RBMS3: variants seen among roughly 807,000 people sequenced by gnomAD.
RBMS3 encodes the protein RNA binding motif single stranded interacting protein 3.
RBMS3 carries 27 observed loss-of-function variants against 66.8 expected under a neutral mutation model. That is an observed-to-expected ratio of 0.40 (90% CI 0.30 to 0.56). RBMS3 has a LOEUF of 0.56. Among genes scored for constraint, RBMS3 ranks in the 20% least tolerant of loss-of-function variants. RBMS3 has a pLI of 0.40. For synonymous variants in RBMS3, 188 were observed against 183.0 expected (o/e 1.03, Z -0.22); for missense variants, 513 against 549.5 (o/e 0.93, Z 0.66).
chr3:29,524,506 C>T (rs1263360141), intron 3 of RBMS3, among the ~76,000 whole-genome samples: 1 of 140,890 alleles, frequency 7.1e-6, no homozygotes, highest in Non-Finnish European at 1.5e-5. Context: ...CGGTTTACCA[C>T]AATCTCCGCC....
chr3:29,538,226 T>C (rs572895282), intron 3 of RBMS3, among the ~76,000 whole-genome samples: 63 of 152,216 alleles, frequency 4.1e-4, no homozygotes, highest in Non-Finnish European at 8.4e-4. Context: ...TTTATGGTGC[T>C]ATCAAGCACA....
At chr3:29,929,262 A>G (rs2061040688) in intron 10 of RBMS3, among the ~76,000 whole-genome samples, 2 of 152,316 alleles carry the variant, frequency 1.3e-5, no homozygotes, top group East Asian at 3.9e-4. Context: ...ACTTTGCTCT[A>G]TTAGGATTCT....
chr3:29,515,377 A>G (rs1459447920), intron 3 of RBMS3, among the ~76,000 whole-genome samples: 1 of 152,190 alleles, frequency 6.6e-6, no homozygotes, highest in Non-Finnish European at 1.5e-5. Context: ...TCTTATGGTG[A>G]AGGGTCTTGC....
chr3:29,514,775 C>CAT (rs888158569), intron 3 of RBMS3, among the ~76,000 whole-genome samples: 16 of 145,058 alleles, frequency 1.1e-4, no homozygotes, highest in African/African-American at 2.3e-4. Flanking sequence ...ATACGATAGG[C>CAT]ATATATATAT....
chr3:29,739,490 G>A (rs2054538426), intron 4 of RBMS3, among the ~76,000 whole-genome samples: 1 of 150,074 alleles, frequency 6.7e-6, no homozygotes, highest in African/African-American at 2.4e-5. Context: ...AAGTTTATTA[G>A]TCTTTCTAAG....
intron 3 of RBMS3, among the ~76,000 whole-genome samples, chr3:29,552,247 A>T (rs928200441): frequency 6.6e-6 from 1 of 152,164 alleles, no homozygotes; most frequent in African/African-American, 2.4e-5. Context: ...GGACTATGTT[A>T]TCTTGATGTT....
At chr3:29,408,479 A>C (rs141964934) in intron 1 of RBMS3, among the ~76,000 whole-genome samples, 1 of 152,054 alleles carries the variant, frequency 6.6e-6, no homozygotes, top group Non-Finnish European at 1.5e-5. Context: ...TAGGAAAAAA[A>C]ATCTCTAAGG....
At chr3:29,492,111 T>A (rs1396718289) in intron 3 of RBMS3, among the ~76,000 whole-genome samples, 2 of 152,206 alleles carry the variant, frequency 1.3e-5, no homozygotes, top group Admixed American at 6.5e-5. Flanking sequence ...GCCTTGCTTA[T>A]CCTCAGCATG....
At position 29,375,449 on chromosome 3, in the gene RBMS3, A is replaced by C. The variant is rs4680818; in HGVS notation, c.76-59294A>C. On this transcript the variant is annotated intron_variant, in intron 1 of 14. Coordinates refer to ENST00000383767, the MANE Select transcript of RBMS3 (RefSeq NM_001003793.3). ...GAATGGGAGAAAATTTTTGCAGTCT[A>C]TCCATCTGACAAAGCTCTGTTATCC... Among the ~76,000 whole-genome samples, 32 of 152,316 alleles carry C rather than the reference A, an allele frequency of 2.1e-4. 1 individual carries two copies. In the South Asian group the frequency reaches 5.8e-3, roughly 28 times the overall value.
At chr3:29,831,446 T>C (rs936868862) in intron 6 of RBMS3, among the ~76,000 whole-genome samples, 1 of 152,118 alleles carries the variant, frequency 6.6e-6, no homozygotes, top group Non-Finnish European at 1.5e-5. Flanking sequence ...CTCTAAAAAT[T>C]CTGAATTTAT....
intron 8 of RBMS3, 40 bp from the exon 9 acceptor site, chr3:29,897,339 A>T (rs1457511276): frequency 1.3e-6 from 2 of 1,560,866 alleles, no homozygotes; most frequent in South Asian, 2.2e-5. Flanking sequence ...CCAGGCATGT[A>T]GCAGCTTCGT....
At chr3:29,559,562 T>C in intron 3 of RBMS3, among the ~76,000 whole-genome samples, 1 of 136,698 alleles carries the variant, frequency 7.3e-6, no homozygotes, top group African/African-American at 2.8e-5. Context: ...AACCTGACTA[T>C]TCATGTTAGT....
intron 2 of RBMS3, among the ~76,000 whole-genome samples, chr3:29,454,012 C>T (rs569457017): frequency 6.6e-6 from 1 of 152,276 alleles, no homozygotes; most frequent in South Asian, 2.1e-4. Flanking sequence ...AATAGGTGAT[C>T]ACAGTCTTAA....
intron 4 of RBMS3, among the ~76,000 whole-genome samples, chr3:29,658,612 G>A (rs188287282): frequency 3.3e-5 from 5 of 152,264 alleles, no homozygotes; most frequent in African/African-American, 9.6e-5. Flanking sequence ...ATTTCCGTAA[G>A]TAAGCAAAAG....
chr3:29,562,501 G>C (rs1463161934), intron 3 of RBMS3, among the ~76,000 whole-genome samples: 2 of 152,102 alleles, frequency 1.3e-5, no homozygotes, highest in Non-Finnish European at 2.9e-5. Context: ...AAGAAACTAC[G>C]ATGTTGATTA....
At chr3:29,301,799 C>A (rs544306670) in intron 1 of RBMS3, among the ~76,000 whole-genome samples, 1 of 151,964 alleles carries the variant, frequency 6.6e-6, no homozygotes, top group South Asian at 2.1e-4. Flanking sequence ...ATGTTTCTTT[C>A]TTCTGGAAAT....
chr3:29,551,559 T>C (rs35896), intron 3 of RBMS3, among the ~76,000 whole-genome samples: 91,362 of 152,038 alleles, frequency 0.6, 28,231 homozygotes, highest in African/African-American at 0.74. Context: ...CTCGATTGTA[T>C]GTAAGGTCTT....
intron 2 of RBMS3, among the ~76,000 whole-genome samples, chr3:29,437,398 G>A (rs1422051642): frequency 6.6e-6 from 1 of 152,202 alleles, no homozygotes; most frequent in Non-Finnish European, 1.5e-5. Context: ...ACTCAGAGAT[G>A]TGGTAACACA....
At chr3:29,971,983 C>T (rs1697259284) in intron 12 of RBMS3, among the ~76,000 whole-genome samples, 2 of 152,030 alleles carry the variant, frequency 1.3e-5, no homozygotes, top group African/African-American at 4.8e-5. Context: ...TTTGGAATAG[C>T]CAAACATAAT....
Sources: allele counts gnomAD v4.1 joint callset (sites outside exome capture counted in the v4.1 genomes callset), GRCh38; gene constraint gnomAD v4.1.1; transcripts MANE v1.5; gene names NCBI Gene and HGNC (gene_info 2026-07-23, HGNC 2026-07-21).